DHX37: variants seen among roughly 807,000 people sequenced by gnomAD.
The protein encoded by DHX37 is DEAH-box helicase 37.
In DHX37, 52 loss-of-function variants were observed where a neutral mutation model predicts 134.3. The observed-to-expected ratio is 0.39, with a 90% CI of 0.31 to 0.49. DHX37 has a LOEUF of 0.49. Ranked by LOEUF, DHX37 falls within the 20% of genes least tolerant of loss-of-function variation. The pLI is 0.93. For missense variants in DHX37, 1,344 were observed against 1,580.8 expected, an observed-to-expected ratio of 0.85 and a Z score of 2.54; for synonymous variants, 634 against 670.7, an observed-to-expected ratio of 0.95 and a Z score of 0.85.
intron 6 of DHX37, among the ~76,000 whole-genome samples, chr12:124,974,781 T>TC (rs985222627): frequency 3.4e-5 from 5 of 146,080 alleles, no homozygotes; most frequent in African/African-American, 1.2e-4. Flanking sequence ...CCTGAAGATT[T>TC]TTTTTTTTTT....
In DHX37 at chr12:124,986,723, A is replaced by C. The variant is rs559950490; in HGVS notation, c.107-458T>G. ...GAGACTCCATCTCAAAAAAAAGAAA[A>C]CCCCCCAAAAAATACTATGATTTTC... On this transcript the variant is annotated intron_variant, in intron 1 of 26. Coordinates refer to ENST00000308736, the MANE Select transcript of DHX37 (RefSeq NM_032656.4). Among the ~76,000 whole-genome samples the C allele has an allele frequency of 5.9e-5, 9 of 152,088 alleles. 1 individual carries two copies. In the South Asian group the frequency reaches 1.9e-3, roughly 32 times the overall value.
rs545374684 is a variant in DHX37 at position 124,972,727 on chromosome 12, A to C, written c.981-128T>G. The C allele has an allele frequency of 2.2e-5, 18 of 807,848 alleles. No individual in the cohort carries two copies. The East Asian group carries it at 4.2e-4, about 19-fold the overall frequency. The allele number at this position is 807,848 out of a possible 1,614,324, so 50.0% of individuals were successfully genotyped here. A position where few individuals can be genotyped will look rare whatever the true frequency, so the allele number is the denominator to read the frequency against. On this transcript the variant is annotated intron_variant, in intron 6 of 26. Transcript: ENST00000308736. Reference sequence around the variant, plus strand: ...GCAGGGCCCGCTGGCAACCTGAAACAAGTCCCAGACATCTCCCCAGTCCAC... The same window carrying C: ...GCAGGGCCCGCTGGCAACCTGAAACCAGTCCCAGACATCTCCCCAGTCCAC...
At chr12:124,976,101 G>A (rs894483517) in intron 5 of DHX37, among the ~76,000 whole-genome samples, 6 of 152,290 alleles carry the variant, frequency 3.9e-5, no homozygotes, top group South Asian at 2.1e-4. Flanking sequence ...AGTAACAGCC[G>A]TGGACCCTGA....
chr12:124,971,433 G>A lies in DHX37; in HGVS notation c.1078-18C>T, dbSNP rs1159376771. 1 of 1,611,312 alleles carries A rather than the reference G, an allele frequency of 6.2e-7. No homozygotes were observed. Among genetic ancestry groups the A allele is most frequent in the Non-Finnish European group, 8.5e-7 (1 of 1,179,254 alleles). On this transcript the variant is annotated intron_variant, in intron 7 of 26. Coordinates refer to ENST00000308736, the MANE Select transcript of DHX37 (RefSeq NM_032656.4). Reference sequence around the variant, plus strand: ...AGGAAGTCCTGGGGGGAGGTCCGGGGTGAGGCCCACCCTTCCAGCCTAAGC... The same window carrying A: ...AGGAAGTCCTGGGGGGAGGTCCGGGATGAGGCCCACCCTTCCAGCCTAAGC...
At chr12:124,965,558 C>T (rs929658237) in intron 13 of DHX37, 110 bp downstream of exon 13, 34 of 1,440,408 alleles carry the variant, frequency 2.4e-5, no homozygotes, top group Admixed American at 1.6e-4. Context: ...CAGGAAGCAT[C>T]GGGGACAAAG....
At chr12:124,965,475 G>C (rs1439310213) in intron 13 of DHX37, among the ~76,000 whole-genome samples, 193 bp downstream of exon 13, 1 of 152,226 alleles carries the variant, frequency 6.6e-6, no homozygotes, top group Non-Finnish European at 1.5e-5. Flanking sequence ...CCTCAGCAAG[G>C]GGTTGGCAGC....
rs748841137 is a variant in DHX37, at chr12:124,972,560, T to C, written c.1020A>G (p.Thr340=). ...TCATGAACTTGATTCTGGTCTCCTC[T>C]GTCACGTTTCCTTCATACCGGATCT... The part of the protein sequence containing the change: ...SYQIRYEGNV[T]EETRIKFMTD... Residue 340 remains threonine (T), a synonymous_variant, in exon 7 of 27, where the codon ACA becomes ACG. Coordinates refer to ENST00000308736, the MANE Select transcript of DHX37 (RefSeq NM_032656.4). 2.5e-6 allele frequency: 4 copies of C among 1,614,226 alleles called. No homozygotes were observed. Among genetic ancestry groups the C allele is most frequent in the Non-Finnish European group, 3.4e-6 (4 of 1,180,036 alleles).
rs183858281 is a variant in DHX37 at position 124,984,897 on chromosome 12, G to A, written c.276+1199C>T. Among the ~76,000 whole-genome samples the A allele has an allele frequency of 5.5e-4, 83 of 152,280 alleles. 1 individual carries two copies. The highest frequency in any genetic ancestry group is 1.9e-3 in the African/African-American group (78 of 41,562). On this transcript the variant is annotated intron_variant, in intron 2 of 26. Coordinates refer to ENST00000308736, the MANE Select transcript of DHX37 (RefSeq NM_032656.4). The stretch of plus-strand genomic sequence containing the variant: ...TTTGTAGATGTAATTACGTAATTAC[G>A]TGAAGGATCTCAAGATGAGATGATC...
chr12:124,964,717 T>C, intron 14 of DHX37, 91 bp from the exon 15 acceptor site: 6 of 1,552,454 alleles, frequency 3.9e-6, no homozygotes, highest in Non-Finnish European at 4.3e-6. Context: ...GCCAGGCTGG[T>C]GTGCTGGAGA....
chr12:124,985,580 C>CAAAAAAAA (rs11327017), intron 2 of DHX37, among the ~76,000 whole-genome samples: 1 of 115,920 alleles, frequency 8.6e-6, no homozygotes, highest in African/African-American at 3.2e-5. Context: ...ACTAAAAATA[C>CAAAAAAAA]AAAAAAAAAA....
At chr12:124,953,704 G>T in intron 20 of DHX37, 176 bp downstream of exon 20, 1 of 1,153,520 alleles carries the variant, frequency 8.7e-7, no homozygotes, top group Non-Finnish European at 1.2e-6. Flanking sequence ...CCCTGCTCAT[G>T]TGCACATTCC....
At chr12:124,974,561 C>A (rs1954592672) in intron 6 of DHX37, among the ~76,000 whole-genome samples, 1 of 149,814 alleles carries the variant, frequency 6.7e-6, no homozygotes. Flanking sequence ...GGGCCTGGCA[C>A]ACTAGATGCT....
Position 124,950,534 on chromosome 12 carries a change from C to T in DHX37, c.3000G>A (p.Glu1000=), listed in dbSNP as rs759758841. The change falls in exon 23 of 27, where the codon GAG becomes GAA. Residue 1000 remains glutamate, a synonymous_variant. Coordinates refer to ENST00000308736, the MANE Select transcript of DHX37 (RefSeq NM_032656.4). Reference sequence around the variant, plus strand: ...GCAGCAGGGCCGGGATCCACTGGACCTCCACGCTAGAGACGCCTGGGGGCC... The same window carrying T: ...GCAGCAGGGCCGGGATCCACTGGACTTCCACGCTAGAGACGCCTGGGGGCC... ...KMYMKGVSSV[E]VQWIPALLPS... The T allele has an allele frequency of 2.2e-5, 34 of 1,557,882 alleles. No individual in the cohort carries two copies. The South Asian group carries it at 2.3e-4, about 11-fold the overall frequency.
chr12:124,948,153 G>A lies in DHX37; in HGVS notation c.3319C>T (p.Arg1107Ter), dbSNP rs780808803. 18 of 1,614,050 alleles carry A rather than the reference G, an allele frequency of 1.1e-5. No individual in the cohort carries two copies. Among genetic ancestry groups the A allele is most frequent in the South Asian group, 8.8e-5 (8 of 91,090 alleles). ...TCAGCCTTCTCTGCAACCAGGGCTC[G>A]CAGAAGGCTCTCCGTACGGGGCTGC... Reference protein sequence around the residue: ...RLQPRTESLLRALVAEKADCH... With the variant: ...RLQPRTESLL The change falls in exon 26 of 27, where the codon CGA becomes TGA. Residue 1107 changes from arginine (R) to a stop codon, truncating the protein, a stop_gained. Transcript: ENST00000308736. LOFTEE classifies it high-confidence loss of function.
Position 124,965,723 on chromosome 12 carries a change from C to G in DHX37, c.1680G>C (p.Glu560Asp), listed in dbSNP as rs745740163. The G allele has an allele frequency of 1.2e-5, 20 of 1,613,910 alleles. No homozygotes were observed. The highest frequency in any genetic ancestry group is 1.6e-5 in the Non-Finnish European group (19 of 1,179,944). ...EDREAEVDEE[E>D]GALDSDLDLD... The stretch of plus-strand genomic sequence containing the variant: ...GATCGAGGTCGGAGTCCAGGGCCCC[C>G]TCTTCCTCATCCACTTCTGCCTCCC... The change falls in exon 13 of 27, where the codon GAG becomes GAC. Residue 560 changes from glutamate (E) to aspartate (D), a missense_variant. Coordinates refer to ENST00000308736, the MANE Select transcript of DHX37 (RefSeq NM_032656.4).
rs1212066048 is a variant in DHX37, at chr12:124,961,185, CACGCACACACACACATACACGTGT to C, written c.2046-786_2046-763del. Among the ~76,000 whole-genome samples, 189 of 21,822 alleles carry C rather than the reference CACGCACACACACACATACACGTGT, an allele frequency of 8.7e-3. 1 individual carries two copies. The highest frequency in any genetic ancestry group is 0.014 in the African/African-American group (170 of 12,556). The allele number at this position is 21,822 out of a possible 152,430, so 14.3% of individuals were successfully genotyped here. On this transcript the variant is annotated intron_variant, in intron 15 of 26. Transcript: ENST00000308736. ...ACTTACATACACGCGCGCATGCGCG[CACGCACACACACACATACACGTGT>C]GCACGCACGCACACGCACGCACACA...
chr12:124,957,111 G>A lies in DHX37; in HGVS notation c.2182C>T (p.Pro728Ser), dbSNP rs780688929. ...GCAAGAAGGGCTTCCACGGAGGGGGGCGTCGGGAAGGGGAAGTTGATGACC... is the reference window on the plus strand; with the variant it reads ...GCAAGAAGGGCTTCCACGGAGGGGGACGTCGGGAAGGGGAAGTTGATGACC... ...EKVINFPFPT[P>S]PSVEALLAAE... is the part of the protein sequence containing the mutation. Residue 728 changes from proline to serine, a missense_variant, in exon 17 of 27, where the codon CCC becomes TCC. By Grantham distance (74) the Pro-to-Ser change is moderately conservative. Around this residue, in one of 7 missense-constraint regions of DHX37, gnomAD observed 558 missense variants for 650.0 expected, o/e 0.86. Coordinates refer to ENST00000308736, the MANE Select transcript of DHX37 (RefSeq NM_032656.4). The A allele has an allele frequency of 5.3e-6, 8 of 1,497,320 alleles. 1 individual carries two copies. The South Asian group carries it at 1.1e-4, about 21-fold the overall frequency. The allele number at this position is 1,497,320 out of a possible 1,614,324, so 92.8% of individuals were successfully genotyped here.
rs531009347 is a variant in DHX37, at chr12:124,976,673, C to CA, written c.887+668dup. Among the ~76,000 whole-genome samples, 17 of 151,770 alleles carry CA rather than the reference C, an allele frequency of 1.1e-4. No individual in the cohort carries two copies. In the South Asian group the frequency reaches 1.9e-3, roughly 17 times the overall value. On this transcript the variant is annotated intron_variant, in intron 5 of 26. Transcript: ENST00000308736. ...TGAAACCCCGTCTCTACTAAAAATA[C>CA]AAAAAAATTAGCTGGGCGTGGTGGT...
chr12:124,948,167 G>A lies in DHX37; in HGVS notation c.3305C>T (p.Thr1102Met), dbSNP rs146941853. The change falls in exon 26 of 27, where the codon ACG becomes ATG. Residue 1102 changes from threonine to methionine, a missense_variant. Transcript: ENST00000308736. ...LKTWARLQPR[T>M]ESLLRALVAE... ...AACCAGGGCTCGCAGAAGGCTCTCC[G>A]TACGGGGCTGCAGCCTGTGGGGCAG... 47 of 1,613,908 alleles carry A rather than the reference G, an allele frequency of 2.9e-5. No individual in the cohort carries two copies. Among genetic ancestry groups the A allele is most frequent in the East Asian group, 2.0e-4 (9 of 44,892 alleles).
Sources: gnomAD v4.1 joint callset for allele counts (sites outside exome capture counted in the v4.1 genomes callset) on GRCh38, gnomAD v4.1.1 for gene constraint, gnomAD v4.1.1 regional missense constraint, MANE v1.5 for transcripts, NCBI Gene and HGNC (gene_info 2026-07-23, HGNC 2026-07-21) for gene names.